Variants in SORCS3 observed in about 807,000 individuals in gnomAD.
SORCS3 encodes sortilin related VPS10 domain containing receptor 3, also known as VPS10 domain-containing receptor SorCS3.
SORCS3 carries 57 observed loss-of-function variants against 146.3 expected under a neutral mutation model. The observed-to-expected ratio is 0.39, with a 90% CI of 0.31 to 0.49. SORCS3 has a LOEUF of 0.49. Ranked by LOEUF, SORCS3 falls within the 20% of genes least tolerant of loss-of-function variation. The pLI, the probability that SORCS3 is intolerant of heterozygous loss-of-function variation, is 0.92. For missense variants in SORCS3, 1,341 were observed against 1,575.5 expected (o/e 0.85, Z 2.52); for synonymous variants, 653 against 618.5 (o/e 1.06, Z -0.83).
At chr10:104,733,454 G>A (rs947633010) in intron 1 of SORCS3, among the ~76,000 whole-genome samples, 2 of 151,900 alleles carry the variant, frequency 1.3e-5, no homozygotes, top group Non-Finnish European at 1.5e-5. Context: ...GGTTGAAGTG[G>A]TCTTCCTGCC....
chr10:104,999,983 T>TG (rs1170848927), intron 4 of SORCS3, among the ~76,000 whole-genome samples: 2 of 152,066 alleles, frequency 1.3e-5, no homozygotes, highest in East Asian at 3.9e-4. Flanking sequence ...TTTTCAATAA[T>TG]GAACAATTCA....
chr10:104,782,740 G>A (rs541199035), intron 1 of SORCS3, among the ~76,000 whole-genome samples: 3 of 152,076 alleles, frequency 2.0e-5, no homozygotes, highest in African/African-American at 7.2e-5. Flanking sequence ...ATGGGATCTC[G>A]GGAAAATCAC....
intron 17 of SORCS3, among the ~76,000 whole-genome samples, chr10:105,211,971 T>C (rs773900292): frequency 2.6e-5 from 4 of 152,120 alleles, no homozygotes; most frequent in Non-Finnish European, 4.4e-5. Context: ...ATTTTTCCTT[T>C]CTGTGAGCTC....
intron 15 of SORCS3, 57 bp downstream of exon 15, chr10:105,200,173 C>A: frequency 7.5e-7 from 1 of 1,337,346 alleles, no homozygotes; most frequent in Non-Finnish European, 1.1e-6. Flanking sequence ...TAGTGCAAGT[C>A]CGACTGGGTC....
chr10:105,009,908 T>C (rs1305716845), intron 4 of SORCS3, among the ~76,000 whole-genome samples: 1 of 152,150 alleles, frequency 6.6e-6, no homozygotes, highest in Non-Finnish European at 1.5e-5. Context: ...TGTGGAAACA[T>C]AGAAAGACTT....
rs536381513 is a variant in SORCS3, at chr10:104,833,760, T to A, written c.628-9032T>A. ...ACTCATGTCTTACAAGTCCATCCAA[T>A]CACTGACAGCTCCCAAATTGATATT... On this transcript the variant is annotated intron_variant, in intron 1 of 26. Transcript: ENST00000369701. 2.0e-5 allele frequency among the ~76,000 whole-genome samples: 3 copies of A among 152,304 alleles called. No homozygotes were observed. The South Asian group carries it at 6.2e-4, about 32-fold the overall frequency.
At chr10:104,695,363 C>A (rs574051723) in intron 1 of SORCS3, among the ~76,000 whole-genome samples, 1 of 149,048 alleles carries the variant, frequency 6.7e-6, no homozygotes, top group African/African-American at 2.5e-5. Context: ...GAAACTTAGT[C>A]GATGGTTACC....
chr10:105,079,246 A>G (rs2055608065), intron 5 of SORCS3, among the ~76,000 whole-genome samples: 1 of 152,228 alleles, frequency 6.6e-6, no homozygotes, highest in Non-Finnish European at 1.5e-5. Context: ...CTATTGCTCC[A>G]GACCAATTAC....
chr10:104,648,304 C>G (rs1368865248), intron 1 of SORCS3, among the ~76,000 whole-genome samples: 1 of 152,142 alleles, frequency 6.6e-6, no homozygotes, highest in Admixed American at 6.5e-5. Context: ...TGCCTTGGAC[C>G]CTGCTTATTT....
chr10:105,142,056 G>A (rs2056098952), intron 8 of SORCS3, among the ~76,000 whole-genome samples: 1 of 152,100 alleles, frequency 6.6e-6, no homozygotes, highest in African/African-American at 2.4e-5. Flanking sequence ...TGTTCATAAT[G>A]GGATCACATT....
At chr10:104,766,935 T>G (rs2017188013) in intron 1 of SORCS3, among the ~76,000 whole-genome samples, 1 of 152,242 alleles carries the variant, frequency 6.6e-6, no homozygotes, top group Non-Finnish European at 1.5e-5. Context: ...CTATGTGGTT[T>G]GATTTAACAT....
chr10:105,204,504 G>A (rs1294478368), intron 16 of SORCS3, among the ~76,000 whole-genome samples: 1 of 152,026 alleles, frequency 6.6e-6, no homozygotes, highest in Non-Finnish European at 1.5e-5. Context: ...TTGACCATTG[G>A]TACTAGAATC....
At chr10:104,953,016 C>T (rs970698890) in intron 3 of SORCS3, among the ~76,000 whole-genome samples, 4 of 152,146 alleles carry the variant, frequency 2.6e-5, no homozygotes, top group Non-Finnish European at 5.9e-5. Flanking sequence ...GGAAAAGACA[C>T]GCACCTTCTG....
intron 20 of SORCS3, among the ~76,000 whole-genome samples, chr10:105,227,636 G>C (rs1589698100): frequency 6.6e-6 from 1 of 152,062 alleles, no homozygotes; most frequent in African/African-American, 2.4e-5. Context: ...ACTGAAAGTG[G>C]AGTGTTGAAG....
chr10:105,044,338 A>G (rs951880085), intron 5 of SORCS3, among the ~76,000 whole-genome samples: 2 of 152,036 alleles, frequency 1.3e-5, no homozygotes, highest in Non-Finnish European at 2.9e-5. Flanking sequence ...GTGACAGAGA[A>G]TAGGCTACTG....
intron 1 of SORCS3, among the ~76,000 whole-genome samples, chr10:104,740,729 T>G (rs2016831353): frequency 6.6e-6 from 1 of 152,224 alleles, no homozygotes; most frequent in Non-Finnish European, 1.5e-5. Flanking sequence ...TTTCCTTGCT[T>G]CTGTGTGTCA....
chr10:104,834,461 C>G (rs926310704), intron 1 of SORCS3, among the ~76,000 whole-genome samples: 4 of 152,092 alleles, frequency 2.6e-5, no homozygotes, highest in Non-Finnish European at 4.4e-5. Context: ...ACCAAGAGCA[C>G]CATGTGACTT....
chr10:104,738,324 A>G (rs2016800863), intron 1 of SORCS3, among the ~76,000 whole-genome samples: 1 of 151,880 alleles, frequency 6.6e-6, no homozygotes, highest in African/African-American at 2.4e-5. Flanking sequence ...AAATGTGATC[A>G]TTTTTTCTTT....
chr10:104,968,984 C>T (rs2054842799), intron 3 of SORCS3, among the ~76,000 whole-genome samples: 1 of 152,186 alleles, frequency 6.6e-6, no homozygotes, highest in Admixed American at 6.5e-5. Context: ...ACCTGCTTTG[C>T]CCTCACAGGC....
Sources: gnomAD v4.1 joint callset for allele counts (sites outside exome capture counted in the v4.1 genomes callset) on GRCh38, gnomAD v4.1.1 for gene constraint, MANE v1.5 for transcripts, NCBI Gene and HGNC (gene_info 2026-07-23, HGNC 2026-07-21) for gene names.